The following SYNE2 variants were observed in gnomAD, a reference collection of about 807,000 sequenced individuals.
SYNE2 encodes nesprin-2.
A neutral mutation model predicts 856.3 loss-of-function variants in SYNE2; 431 were observed. The observed-to-expected ratio is 0.50, with a 90% confidence interval of 0.47 to 0.55. The LOEUF is 0.55. Among genes scored for constraint, SYNE2 ranks in the 20% least tolerant of loss-of-function variants. The pLI is 0.00. For synonymous variants in SYNE2, 2,923 were observed against 2,872.3 expected (o/e 1.02, Z -0.56); for missense variants, 8,129 against 8,023.2 (o/e 1.01, Z -0.50).
chr14:64,088,375 G>A lies in SYNE2; in HGVS notation c.11670+519G>A, dbSNP rs76766841. The stretch of plus-strand genomic sequence containing the variant: ...GAAGTGGTCTGTTTTAAAGAGTAAA[G>A]AATCCCGATAAAATAAGCTCAGTGT... On this transcript the variant is annotated intron_variant, in intron 58 of 115. Coordinates refer to ENST00000555002, the MANE Select transcript of SYNE2 (RefSeq NM_182914.3). 1.0e-3 allele frequency among the ~76,000 whole-genome samples: 157 copies of A among 152,278 alleles called. 2 individuals are homozygous for A. In the East Asian group the frequency reaches 0.016, roughly 15 times the overall value.
At chr14:63,874,850 C>G (rs1369271587) in intron 1 of SYNE2, among the ~76,000 whole-genome samples, 1 of 152,046 alleles carries the variant, frequency 6.6e-6, no homozygotes, top group Non-Finnish European at 1.5e-5. Context: ...CCTTGCATTT[C>G]TTGCCAAATA....
intron 98 of SYNE2, 41 bp from the exon 99 acceptor site, chr14:64,190,030 G>C: frequency 1.2e-6 from 2 of 1,601,724 alleles, no homozygotes; most frequent in Non-Finnish European, 1.7e-6. Context: ...AAATGAGTTT[G>C]GGCTAATTAG....
At chr14:63,875,175 G>A (rs2094686933) in intron 1 of SYNE2, among the ~76,000 whole-genome samples, 1 of 152,086 alleles carries the variant, frequency 6.6e-6, no homozygotes, top group African/African-American at 2.4e-5. Flanking sequence ...AGCCTCCCAA[G>A]TATCTGGGAC....
In SYNE2 at chr14:63,991,112, CA is replaced by C. The variant is rs777589156; in HGVS notation, c.2645del (p.Lys882ArgfsTer4). ...ESPGELISKH[K>X]EALIISNTKS... is the part of the protein sequence containing the mutation. ...GCCCCGGTGAACTCATTTCAAAACA[CA>C]AGGTGGGAATCTTTTCAACCATCAA... On this transcript the variant is annotated frameshift_variant and splice_region_variant, in exon 21 of 116. Transcript: ENST00000555002. LOFTEE classifies it high-confidence loss of function. 6.2e-7 allele frequency: 1 copy of C among 1,613,986 alleles called. No individual in the cohort carries two copies. Among genetic ancestry groups the C allele is most frequent in the Admixed American group, 1.7e-5 (1 of 60,008 alleles).
chr14:64,119,433 C>G lies in SYNE2; in HGVS notation c.12847C>G (p.Leu4283Val). ...AAATGCTTTTATTTCCTAGGCTATG[C>G]TAACAGAGATTGAGCACAAGGTTGC... ...EQQLVGCQAM[L>V]TEIEHKVAFL... The change falls in exon 67 of 116, where the codon CTA becomes GTA. Residue 4283 changes from leucine to valine, a missense_variant. By Grantham distance (32) the Leu-to-Val change is conservative. Coordinates refer to ENST00000555002, the MANE Select transcript of SYNE2 (RefSeq NM_182914.3). 1 of 1,614,186 alleles carries G rather than the reference C, an allele frequency of 6.2e-7. No homozygotes were observed. The highest frequency in any genetic ancestry group is 1.1e-5 in the South Asian group (1 of 91,082).
intron 1 of SYNE2, among the ~76,000 whole-genome samples, chr14:63,855,854 A>T (rs1027375367): frequency 6.6e-6 from 1 of 152,174 alleles, no homozygotes; most frequent in Non-Finnish European, 1.5e-5. Flanking sequence ...GGTCCTCAAT[A>T]ACTTGAATGA....
rs1241701770 is a variant in SYNE2, at chr14:64,049,792, G to A, written c.7559G>A (p.Cys2520Tyr). The change falls in exon 47 of 116, where the codon TGT becomes TAT. Residue 2520 changes from cysteine to tyrosine, a missense_variant. Cys to Tyr is a radical substitution (Grantham distance 194). Coordinates refer to ENST00000555002, the MANE Select transcript of SYNE2 (RefSeq NM_182914.3). ...TLKKNKESQY[C>Y]VLRDFQEYLA... ...AAGAAAAACAAAGAAAGCCAATATT[G>A]TGTCCTCAGAGATTTTCAGGAATAC... 2 of 1,614,120 alleles carry A rather than the reference G, an allele frequency of 1.2e-6. No homozygotes were observed. Among genetic ancestry groups the A allele is most frequent in the Middle Eastern group, 1.6e-4 (1 of 6,062 alleles).
rs112711954 is a variant in SYNE2 at position 63,921,926 on chromosome 14, G to A, written c.79+12699G>A. Among the ~76,000 whole-genome samples the A allele has an allele frequency of 8.5e-5, 13 of 152,320 alleles. 1 individual carries two copies. Among genetic ancestry groups the A allele is most frequent in the African/African-American group, 2.6e-4 (11 of 41,570 alleles). On this transcript the variant is annotated intron_variant, in intron 2 of 115. Coordinates refer to ENST00000555002, the MANE Select transcript of SYNE2 (RefSeq NM_182914.3). The stretch of plus-strand genomic sequence containing the variant: ...CATGGATTTTGAATCAGACACATCT[G>A]GATTTGAATTTCTCCTCCACCAGAT...
At chr14:63,961,100 G>A (rs1021063620) in intron 8 of SYNE2, among the ~76,000 whole-genome samples, 3 of 152,138 alleles carry the variant, frequency 2.0e-5, no homozygotes, top group African/African-American at 7.2e-5. Flanking sequence ...ATGCTTTACT[G>A]CACACATGCC....
chr14:63,955,503 G>A lies in SYNE2; in HGVS notation c.787+588G>A, dbSNP rs886586530. Among the ~76,000 whole-genome samples, 6 of 151,996 alleles carry A rather than the reference G, an allele frequency of 3.9e-5. 1 individual carries two copies. The highest frequency in any genetic ancestry group is 1.5e-4 in the African/African-American group (6 of 41,374). ...TTCTTTCTCAAAAGCACTTTACTTT[G>A]AATTGTAATGTTTCATAATGTAACC... On this transcript the variant is annotated intron_variant, in intron 8 of 115. Coordinates refer to ENST00000555002, the MANE Select transcript of SYNE2 (RefSeq NM_182914.3).
intron 2 of SYNE2, among the ~76,000 whole-genome samples, chr14:63,934,190 CTT>C (rs1290066636): frequency 1.3e-5 from 2 of 152,110 alleles, no homozygotes; most frequent in African/African-American, 4.8e-5. Flanking sequence ...CTTTCCAAAT[CTT>C]TTTTTCTGAA....
intron 23 of SYNE2, 91 bp from the exon 24 acceptor site, chr14:63,996,856 A>G: frequency 8.0e-7 from 1 of 1,247,474 alleles, no homozygotes; most frequent in Non-Finnish European, 1.2e-6. Flanking sequence ...ACACATTGTT[A>G]AAACTACACA....
chr14:63,819,323 T>C (rs1889124751), intron 1 of SYNE2, among the ~76,000 whole-genome samples: 2 of 152,130 alleles, frequency 1.3e-5, no homozygotes, highest in East Asian at 3.9e-4. Context: ...CCTCTGCTTC[T>C]CGGTTTCAAG....
chr14:64,208,894 T>C lies in SYNE2; in HGVS notation c.18338T>C (p.Leu6113Pro). The C allele has an allele frequency of 6.2e-7, 1 of 1,614,156 alleles. No individual in the cohort carries two copies. The highest frequency in any genetic ancestry group is 8.5e-7 in the Non-Finnish European group (1 of 1,180,024). ...CDSIQQTTRS[L>P]DRRWRNICAM... Reference sequence around the variant, plus strand: ...TCGATCCAGCAGACCACCAGGAGCCTGGACAGACGCTGGAGGAACATTTGT... The same window carrying C: ...TCGATCCAGCAGACCACCAGGAGCCCGGACAGACGCTGGAGGAACATTTGT... The change falls in exon 101 of 116, where the codon CTG becomes CCG. Residue 6113 changes from leucine to proline, a missense_variant. Coordinates refer to ENST00000555002, the MANE Select transcript of SYNE2 (RefSeq NM_182914.3).
chr14:64,175,035 C>G lies in SYNE2; in HGVS notation c.17327C>G (p.Thr5776Ser). Residue 5776 changes from threonine to serine, a missense_variant, in exon 95 of 116, where the codon ACT becomes AGT. Transcript: ENST00000555002. Reference protein sequence around the residue: ...EKLLLTTDLKTKESVGRRISQ... With the variant: ...EKLLLTTDLKSKESVGRRISQ... The stretch of plus-strand genomic sequence containing the variant: ...TTACTGCTCACAACTGACCTGAAAA[C>G]TAAAGAGTCTGTGGGTAGGAGAATC... The G allele has an allele frequency of 6.2e-7, 1 of 1,614,146 alleles. No homozygotes were observed. The highest frequency in any genetic ancestry group is 8.5e-7 in the Non-Finnish European group (1 of 1,180,032).
chr14:64,108,016 AT>A (rs970831920), intron 65 of SYNE2, among the ~76,000 whole-genome samples: 6 of 152,162 alleles, frequency 3.9e-5, no homozygotes, highest in African/African-American at 1.4e-4. Context: ...TACCTACCAT[AT>A]GTTTACAAAT....
At chr14:64,100,716 C>T (rs2153639500) in intron 63 of SYNE2, among the ~76,000 whole-genome samples, 1 of 150,446 alleles carries the variant, frequency 6.6e-6, no homozygotes, top group Middle Eastern at 3.4e-3. Context: ...TCATGATTTT[C>T]AAACATATAT....
Position 63,981,079 on chromosome 14 carries a change from T to C in SYNE2, c.1742T>C (p.Leu581Pro). The C allele has an allele frequency of 1.2e-6, 2 of 1,612,016 alleles. No homozygotes were observed. The highest frequency in any genetic ancestry group is 1.7e-6 in the Non-Finnish European group (2 of 1,178,162). Residue 581 changes from leucine (L) to proline (P), a missense_variant, in exon 16 of 116, where the codon CTA becomes CCA. Around this residue, in one of 3 missense-constraint regions of SYNE2, gnomAD observed 2,422 missense variants for 2,357.4 expected, o/e 1.03. Transcript: ENST00000555002. ...RKNIYNVKSTLQKVLACWATY... is the reference protein window; with the variant it reads ...RKNIYNVKSTPQKVLACWATY... ...AATATATATAATGTGAAGTCCACTC[T>C]ACAAAAAGTGCTGGCATGTTGGGCT...
chr14:64,022,037 A>G lies in SYNE2; in HGVS notation c.5524+9A>G, dbSNP rs976109927. ...TTCTAAGTTATTGAATGGTGAGTGC[A>G]ACATTTCTCTTATTTTGTTTCTGGG... On this transcript the variant is annotated intron_variant, in intron 37 of 115. Transcript: ENST00000555002. 1 of 1,613,022 alleles carries G rather than the reference A, an allele frequency of 6.2e-7. No individual in the cohort carries two copies. The highest frequency in any genetic ancestry group is 8.5e-7 in the Non-Finnish European group (1 of 1,179,414).
Sources: allele counts gnomAD v4.1 joint callset (sites outside exome capture counted in the v4.1 genomes callset), GRCh38; gene constraint gnomAD v4.1.1; regional missense constraint gnomAD v4.1.1; transcripts MANE v1.5; gene names NCBI Gene and HGNC (gene_info 2026-07-23, HGNC 2026-07-21).